The following EMC7 variants were observed in gnomAD, a reference collection of about 807,000 sequenced individuals.
The protein encoded by EMC7 is endoplasmic reticulum membrane protein complex subunit 7.
Under a neutral mutation model 24.4 loss-of-function variants are expected in EMC7, and 4 were observed. The observed-to-expected ratio is 0.16, with a 90% confidence interval of 0.08 to 0.38. The LOEUF is 0.38. Among genes scored for constraint, EMC7 ranks in the 10% least tolerant of loss-of-function variants. The pLI, the probability that EMC7 is intolerant of heterozygous loss-of-function variation, is 1.00. For synonymous variants in EMC7, 106 were observed against 112.0 expected (o/e 0.95, Z 0.34); for missense variants, 221 against 300.6 (o/e 0.74, Z 1.96).
chr15:34,101,506 G>A, intron 1 of EMC7, 98 bp downstream of exon 1: 1 of 1,318,434 alleles, frequency 7.6e-7, no homozygotes, highest in Non-Finnish European at 1.1e-6. Context: ...TTCAGTCTGA[G>A]ACAGCGACGT....
chr15:34,092,261 TCACACACACACACACA>T (rs375005510), intron 2 of EMC7, among the ~76,000 whole-genome samples: 1 of 141,564 alleles, frequency 7.1e-6, no homozygotes. Flanking sequence ...TGAGACTCCG[TCACACACACACACACA>T]CACACACACA....
chr15:34,096,975 CAA>C (rs547840840), intron 1 of EMC7, among the ~76,000 whole-genome samples: 17 of 121,694 alleles, frequency 1.4e-4, no homozygotes, highest in East Asian at 2.4e-4. Flanking sequence ...CCATCTCCAA[CAA>C]AAAAAAAAAA....
intron 1 of EMC7, among the ~76,000 whole-genome samples, chr15:34,098,459 T>TTC (rs1338874923): frequency 1.4e-5 from 2 of 143,842 alleles, no homozygotes; most frequent in Admixed American, 6.9e-5. Context: ...CTTTCTTTCT[T>TTC]TTTTTTTTTT....
At chr15:34,097,482 A>T (rs1901095624) in intron 1 of EMC7, among the ~76,000 whole-genome samples, 1 of 152,226 alleles carries the variant, frequency 6.6e-6, no homozygotes, top group Admixed American at 6.5e-5. Context: ...GATTTCTTCT[A>T]AACTTCCTAG....
chr15:34,101,506 G>C (rs768477886), intron 1 of EMC7, 98 bp downstream of exon 1: 1 of 1,318,434 alleles, frequency 7.6e-7, no homozygotes, highest in Non-Finnish European at 1.1e-6. Context: ...TTCAGTCTGA[G>C]ACAGCGACGT....
chr15:34,094,138 C>T (rs895412833), intron 2 of EMC7, among the ~76,000 whole-genome samples: 4 of 151,932 alleles, frequency 2.6e-5, no homozygotes, highest in African/African-American at 9.7e-5. Flanking sequence ...GGTGCAGTGG[C>T]TCACATCTGT....
At chr15:34,086,282 C>T in intron 4 of EMC7, 2 of 283,774 alleles carry the variant, frequency 7.0e-6, no homozygotes, top group South Asian at 8.1e-5. Context: ...TTTTGATGAT[C>T]TTGGGCTTCA....
intron 2 of EMC7, 32 bp downstream of exon 2, chr15:34,095,863 C>A: frequency 6.3e-7 from 1 of 1,576,574 alleles, no homozygotes; most frequent in Non-Finnish European, 8.7e-7. Context: ...AGTAGCCTAG[C>A]TTTTGGCAAA....
At chr15:34,084,930 G>A (rs1900853597) in intron 4 of EMC7, among the ~76,000 whole-genome samples, 1 of 148,154 alleles carries the variant, frequency 6.7e-6, no homozygotes, top group Admixed American at 6.7e-5. Flanking sequence ...TGTGTGTGAT[G>A]TTCCCTTTCG....
intron 4 of EMC7, among the ~76,000 whole-genome samples, chr15:34,086,720 C>T (rs552861495): frequency 2.4e-4 from 36 of 152,302 alleles, no homozygotes; most frequent in African/African-American, 7.7e-4. Context: ...TGCGCCACCG[C>T]GCCCGGCCAG....
chr15:34,090,498 A>T, intron 2 of EMC7, 43 bp from the exon 3 acceptor site: 1 of 1,581,592 alleles, frequency 6.3e-7, no homozygotes, highest in Non-Finnish European at 8.6e-7. Context: ...TTCCATTAAA[A>T]ACATTACTGG....
intron 2 of EMC7, 105 bp from the exon 3 acceptor site, chr15:34,090,560 T>C: frequency 7.9e-7 from 1 of 1,261,340 alleles, no homozygotes; most frequent in Non-Finnish European, 1.0e-6. Flanking sequence ...CACTTTCAGC[T>C]TTTTCCAAAA....
At chr15:34,097,528 C>A (rs1901096491) in intron 1 of EMC7, among the ~76,000 whole-genome samples, 1 of 152,098 alleles carries the variant, frequency 6.6e-6, no homozygotes, top group Admixed American at 6.6e-5. Flanking sequence ...CTGATAATTT[C>A]ATTTCACAGA....
chr15:34,084,787 G>A (rs1900850158), intron 4 of EMC7, among the ~76,000 whole-genome samples: 2 of 150,238 alleles, frequency 1.3e-5, no homozygotes, highest in Non-Finnish European at 3.0e-5. Context: ...GGGTACATGT[G>A]CACAACGTGC....
intron 2 of EMC7, among the ~76,000 whole-genome samples, chr15:34,093,824 T>TATATATATATCTA (rs57320225): frequency 5.7e-5 from 1 of 17,678 alleles, no homozygotes. Flanking sequence ...TATATATATA[T>TATATATATATCTA]TTTTTTTTTT....
At position 34,090,405 on chromosome 15, in the gene EMC7, T is replaced by C. The variant is rs1900958768; in HGVS notation, c.407A>G (p.Tyr136Cys). 1.2e-6 allele frequency: 2 copies of C among 1,614,078 alleles called. No homozygotes were observed. The highest frequency in any genetic ancestry group is 1.7e-6 in the Non-Finnish European group (2 of 1,179,992). Residue 136 changes from tyrosine to cysteine, a missense_variant, in exon 3 of 5, where the codon TAT (tyrosine) becomes TGT (cysteine). Physicochemically the swap from Tyr to Cys is radical, Grantham distance 194. Coordinates refer to ENST00000256545, the MANE Select transcript of EMC7 (RefSeq NM_020154.3). ...IKTSEVVRLP[Y>C]PLQMKSSGPP... ...ACCTGAAGATTTCATTTGGAGAGGA[T>C]AGGGCAGTCTGACAACCTCTGATGT...
intron 4 of EMC7, chr15:34,085,930 A>G (rs1900878171): frequency 6.3e-6 from 1 of 158,912 alleles, no homozygotes; most frequent in Middle Eastern, 3.5e-3. Flanking sequence ...CTCACTGTGG[A>G]GCCTGGCATT....
intron 1 of EMC7, among the ~76,000 whole-genome samples, chr15:34,097,843 C>G (rs988928215): frequency 1.3e-5 from 2 of 151,878 alleles, no homozygotes; most frequent in Non-Finnish European, 2.9e-5. Context: ...GTGGCATGCG[C>G]GTGTAGTCCC....
chr15:34,099,345 T>A (rs945886594), intron 1 of EMC7, among the ~76,000 whole-genome samples: 1 of 152,070 alleles, frequency 6.6e-6, no homozygotes, highest in Non-Finnish European at 1.5e-5. Flanking sequence ...CAAAAACACA[T>A]GAAAACCACC....
Sources: allele counts gnomAD v4.1 joint callset (sites outside exome capture counted in the v4.1 genomes callset), GRCh38; gene constraint gnomAD v4.1.1; transcripts MANE v1.5; gene names NCBI Gene and HGNC (gene_info 2026-07-23, HGNC 2026-07-21).